The following LRP1B variants were observed in gnomAD, a reference collection of about 807,000 sequenced individuals.
LRP1B encodes low-density lipoprotein receptor-related protein 1B.
LRP1B carries 217 observed loss-of-function variants against 556.6 expected under a neutral mutation model. The observed-to-expected ratio is 0.39, with a 90% CI of 0.35 to 0.44. The LOEUF is 0.44. LRP1B is among the 20% of genes least tolerant of loss of function. The pLI, the probability that LRP1B is intolerant of heterozygous loss-of-function variation, is 1.00. For synonymous variants in LRP1B, 2,047 were observed against 1,865.8 expected (o/e 1.10, Z -2.50); for missense variants, 5,053 against 5,620.8 (o/e 0.90, Z 3.23).
chr2:141,396,745 C>A (rs563307670), intron 3 of LRP1B, among the ~76,000 whole-genome samples: 1 of 152,168 alleles, frequency 6.6e-6, no homozygotes, highest in South Asian at 2.1e-4. Flanking sequence ...TACACATAAA[C>A]ATTATCTTAA....
chr2:141,172,014 G>A (rs1558909458), intron 7 of LRP1B, among the ~76,000 whole-genome samples: 1 of 152,058 alleles, frequency 6.6e-6, no homozygotes, highest in Non-Finnish European at 1.5e-5. Context: ...AAAAAGATAG[G>A]TAATGCAAAA....
intron 1 of LRP1B, among the ~76,000 whole-genome samples, chr2:141,846,656 A>G (rs1475412913): frequency 6.6e-6 from 1 of 151,490 alleles, no homozygotes; most frequent in East Asian, 1.9e-4. Flanking sequence ...ATATAGTGTG[A>G]GTAAATACAA....
intron 2 of LRP1B, among the ~76,000 whole-genome samples, chr2:141,507,907 G>A (rs1185220558): frequency 6.6e-6 from 1 of 151,782 alleles, no homozygotes; most frequent in Admixed American, 6.6e-5. Flanking sequence ...CCAATATGGT[G>A]AAACCCCATC....
chr2:142,004,629 C>T (rs1286129550), intron 1 of LRP1B, among the ~76,000 whole-genome samples: 2 of 151,862 alleles, frequency 1.3e-5, no homozygotes, highest in African/African-American at 2.4e-5. Context: ...GTGGATCACC[C>T]GGGGTCAGGA....
chr2:141,273,256 C>T (rs1255425256), intron 3 of LRP1B, among the ~76,000 whole-genome samples: 1 of 151,886 alleles, frequency 6.6e-6, no homozygotes, highest in Non-Finnish European at 1.5e-5. Flanking sequence ...TTGCAGTGAA[C>T]CGAGATCATA....
chr2:141,888,311 C>G (rs548058641), intron 1 of LRP1B, among the ~76,000 whole-genome samples: 37 of 152,226 alleles, frequency 2.4e-4, no homozygotes, highest in African/African-American at 8.4e-4. Flanking sequence ...TGCCAGCTTC[C>G]AGTTCAATAT....
intron 24 of LRP1B, 32 bp downstream of exon 24, chr2:140,886,106 C>G (rs376958973): frequency 3.4e-5 from 46 of 1,353,318 alleles, no homozygotes; most frequent in Non-Finnish European, 4.4e-5. Flanking sequence ...AAAAAGTAAT[C>G]TAAACATTAA....
At chr2:141,983,630 A>G (rs1486046740) in intron 1 of LRP1B, among the ~76,000 whole-genome samples, 3 of 152,232 alleles carry the variant, frequency 2.0e-5, no homozygotes, top group Non-Finnish European at 2.9e-5. Flanking sequence ...CAAAAATAGT[A>G]CATTTTTAAC....
intron 3 of LRP1B, among the ~76,000 whole-genome samples, chr2:141,293,648 G>T (rs1207044365): frequency 1.3e-5 from 2 of 149,782 alleles, no homozygotes; most frequent in East Asian, 2.0e-4. Flanking sequence ...TTCTGTCTTG[G>T]GAATTTTACT....
At chr2:141,476,461 G>A (rs1168250829) in intron 3 of LRP1B, among the ~76,000 whole-genome samples, 1 of 152,112 alleles carries the variant, frequency 6.6e-6, no homozygotes, top group African/African-American at 2.4e-5. Flanking sequence ...CCAATATGAA[G>A]TACTGTGTAG....
intron 57 of LRP1B, among the ~76,000 whole-genome samples, chr2:140,490,107 A>G (rs1217675137): frequency 2.0e-5 from 3 of 152,022 alleles, no homozygotes; most frequent in East Asian, 1.9e-4. Flanking sequence ...AGAGATGAAA[A>G]TTTGTTTCAT....
intron 3 of LRP1B, among the ~76,000 whole-genome samples, chr2:141,383,440 G>A (rs1689713567): frequency 6.6e-6 from 1 of 152,066 alleles, no homozygotes; most frequent in South Asian, 2.1e-4. Context: ...ATTCACAATG[G>A]CCAGGTTATG....
At chr2:141,320,999 T>C (rs1687216599) in intron 3 of LRP1B, among the ~76,000 whole-genome samples, 1 of 152,122 alleles carries the variant, frequency 6.6e-6, no homozygotes, top group Non-Finnish European at 1.5e-5. Flanking sequence ...AAAATATTTT[T>C]AATCATAGCT....
intron 2 of LRP1B, among the ~76,000 whole-genome samples, chr2:141,659,689 A>G (rs1690140329): frequency 6.6e-6 from 1 of 152,112 alleles, no homozygotes; most frequent in African/African-American, 2.4e-5. Flanking sequence ...GACTAGATCT[A>G]TGAGGCATAT....
chr2:141,713,210 C>G (rs892821119), intron 2 of LRP1B, among the ~76,000 whole-genome samples: 7 of 151,586 alleles, frequency 4.6e-5, no homozygotes, highest in Non-Finnish European at 8.8e-5. Flanking sequence ...TTTTTAAAGG[C>G]CTTTCTAAAC....
At chr2:140,839,664 T>C (rs1464595107) in intron 31 of LRP1B, among the ~76,000 whole-genome samples, 1 of 152,206 alleles carries the variant, frequency 6.6e-6, no homozygotes, top group Non-Finnish European at 1.5e-5. Flanking sequence ...GCTTTCCTAC[T>C]TTTGAGGTTT....
chr2:141,254,746 G>C (rs1191875983), intron 3 of LRP1B, 105 bp from the exon 4 acceptor site: 1 of 843,514 alleles, frequency 1.2e-6, no homozygotes, highest in Non-Finnish European at 1.7e-6. Flanking sequence ...TGTTCTCCCA[G>C]AAAGTTTATA....
intron 49 of LRP1B, among the ~76,000 whole-genome samples, chr2:140,521,955 C>G (rs917099034): frequency 1.3e-5 from 2 of 151,962 alleles, no homozygotes; most frequent in Admixed American, 6.6e-5. Context: ...ACTAGTACTT[C>G]TAGACCTACA....
intron 7 of LRP1B, among the ~76,000 whole-genome samples, chr2:141,184,890 T>G (rs1198924593): frequency 6.6e-6 from 1 of 152,048 alleles, no homozygotes; most frequent in South Asian, 2.1e-4. Context: ...TTTTCTCTCC[T>G]CTTTTTCTCA....
Sources: allele counts gnomAD v4.1 joint callset (sites outside exome capture counted in the v4.1 genomes callset), GRCh38; gene constraint gnomAD v4.1.1; transcripts MANE v1.5; gene names NCBI Gene and HGNC (gene_info 2026-07-23, HGNC 2026-07-21).